Variants in PDE5A observed in about 807,000 individuals in gnomAD.
The protein encoded by PDE5A is phosphodiesterase 5A.
PDE5A carries 67 observed loss-of-function variants against 110.2 expected under a neutral mutation model. The observed-to-expected ratio is 0.61, with a 90% confidence interval of 0.50 to 0.75. The LOEUF (loss-of-function observed/expected upper bound fraction) is 0.75. Ranked by LOEUF, PDE5A falls within the 30% of genes least tolerant of loss-of-function variation. The probability of loss-of-function intolerance (pLI) is 0.00; values close to 1 mark genes in which losing one functional copy is unlikely to be tolerated. For synonymous variants in PDE5A, 328 were observed against 351.2 expected (o/e 0.93, Z 0.74); for missense variants, 862 against 1,045.1 (o/e 0.82, Z 2.42).
At chr4:119,580,025 C>T (rs1295036080) in intron 3 of PDE5A, among the ~76,000 whole-genome samples, 1 of 152,118 alleles carries the variant, frequency 6.6e-6, no homozygotes, top group Admixed American at 6.5e-5. Flanking sequence ...GGGAGGACGT[C>T]GCTCCCCAGA....
chr4:119,510,474 C>T (rs1026507181), intron 15 of PDE5A, among the ~76,000 whole-genome samples: 2 of 151,988 alleles, frequency 1.3e-5, no homozygotes, highest in Admixed American at 6.6e-5. Context: ...CCCCCCCAAA[C>T]AAAGATTAAC....
intron 1 of PDE5A, among the ~76,000 whole-genome samples, chr4:119,616,714 G>C (rs1242351710): frequency 6.9e-6 from 1 of 144,318 alleles, no homozygotes; most frequent in Non-Finnish European, 1.5e-5. Context: ...GTAATACAAA[G>C]GGATGAACAA....
intron 1 of PDE5A, among the ~76,000 whole-genome samples, chr4:119,607,525 C>T (rs1729583370): frequency 6.6e-6 from 1 of 152,072 alleles, no homozygotes; most frequent in African/African-American, 2.4e-5. Flanking sequence ...CTGCATGAGG[C>T]CAGGAGTTGG....
chr4:119,626,206 T>C (rs1253447044), intron 1 of PDE5A, among the ~76,000 whole-genome samples: 2 of 152,162 alleles, frequency 1.3e-5, no homozygotes, highest in Non-Finnish European at 1.5e-5. Context: ...ACAGTGAGCA[T>C]GGTAAATTTG....
chr4:119,553,695 AT>A lies in PDE5A; in HGVS notation c.1250del (p.Asn417IlefsTer27). ...INYMYAQYVK[N>X]TMEPLNIPDV... ...CTGGGATATTAAGTGGTTCCATAGT[AT>A]TTTTGACATACTGAGCATACATGTA... is the stretch of plus-strand genomic sequence containing the variant. On this transcript the variant is annotated frameshift_variant, in exon 8 of 21. Transcript: ENST00000354960. LOFTEE classifies it high-confidence loss of function. The A allele has an allele frequency of 6.2e-7, 1 of 1,601,926 alleles. No homozygotes were observed.
In PDE5A at chr4:119,496,588, A is replaced by G. The variant is rs1397596187; in HGVS notation, c.*2013T>C. The G allele has an allele frequency of 6.6e-6, 1 of 152,578 alleles. No individual in the cohort carries two copies. The highest frequency in any genetic ancestry group is 6.6e-5 in the Admixed American group (1 of 15,266). The allele number at this position is 152,578 out of a possible 1,614,324, so 9.5% of individuals were successfully genotyped here. On this transcript the variant is annotated 3_prime_UTR_variant, in exon 21 of 21. Transcript: ENST00000354960. ...CAGTGACACATACTAGAGGGGACCA[A>G]ACAAACTACTAAAGCATAAGTACAT... is the stretch of plus-strand genomic sequence containing the variant.
rs1725601632 is a variant in PDE5A at position 119,507,690 on chromosome 4, G to A, written c.2103C>T (p.Leu701=). 1.9e-6 allele frequency: 3 copies of A among 1,583,330 alleles called. No homozygotes were observed. The highest frequency in any genetic ancestry group is 2.6e-6 in the Non-Finnish European group (3 of 1,169,658). ...TATATTCTTCAATGGAGAGGCCACT[G>A]AGAATCTGATTGCCCTTTATAAAAA... ...MILNSPGNQI[L]SGLSIEEYKT... Residue 701 remains leucine (L), a synonymous_variant, in exon 16 of 21, where the codon CTC becomes CTT. Coordinates refer to ENST00000354960, the MANE Select transcript of PDE5A (RefSeq NM_001083.4).
Position 119,553,719 on chromosome 4 carries a change from G to T in PDE5A, c.1227C>A (p.Tyr409Ter). The T allele has an allele frequency of 6.3e-7, 1 of 1,586,016 alleles. No homozygotes were observed. Among genetic ancestry groups the T allele is most frequent in the Non-Finnish European group, 8.7e-7 (1 of 1,154,742 alleles). The change falls in exon 8 of 21, where the codon TAC becomes TAA. Residue 409 changes from tyrosine (Y) to a stop codon, truncating the protein, a stop_gained. Coordinates refer to ENST00000354960, the MANE Select transcript of PDE5A (RefSeq NM_001083.4). LOFTEE classifies it high-confidence loss of function. ...TATTTTTGACATACTGAGCATACAT[G>T]TAATTGATTTTGTTTGCATCATGTT... Reference protein sequence around the residue: ...TREHDANKINYMYAQYVKNTM... With the variant: ...TREHDANKIN
intron 2 of PDE5A, among the ~76,000 whole-genome samples, chr4:119,600,530 C>T (rs1006115003): frequency 2.0e-5 from 3 of 151,582 alleles, no homozygotes; most frequent in Middle Eastern, 3.2e-3. Flanking sequence ...GGCTAGGGCA[C>T]GGAAAGTGTA....
At chr4:119,506,706 C>T (rs936709769) in intron 16 of PDE5A, among the ~76,000 whole-genome samples, 2 of 151,808 alleles carry the variant, frequency 1.3e-5, no homozygotes, top group South Asian at 2.1e-4. Context: ...CCTTATTCTG[C>T]AATTATTTTT....
At chr4:119,585,707 C>G (rs1728736366) in intron 3 of PDE5A, among the ~76,000 whole-genome samples, 1 of 152,158 alleles carries the variant, frequency 6.6e-6, no homozygotes, top group Non-Finnish European at 1.5e-5. Context: ...AGAGCTGGAG[C>G]CTAATTCCCT....
In PDE5A at chr4:119,494,564, T is replaced by A. The variant is rs1724995136; in HGVS notation, c.*4037A>T. ...AAGTGATTTTGTCATGAAAGAGTCATCTGAAATGACTCTCGTGATGGAGGA... is the reference window on the plus strand; with the variant it reads ...AAGTGATTTTGTCATGAAAGAGTCAACTGAAATGACTCTCGTGATGGAGGA... On this transcript the variant is annotated 3_prime_UTR_variant, in exon 21 of 21. Transcript: ENST00000354960. 6.6e-6 allele frequency: 1 copy of A among 152,528 alleles called. No individual in the cohort carries two copies. Among genetic ancestry groups the A allele is most frequent in the Non-Finnish European group, 1.5e-5 (1 of 68,042 alleles). 9.4% of individuals were successfully genotyped at this position (152,528 alleles called of 1,614,324 possible).
rs750145083 is a variant in PDE5A at position 119,628,790 on chromosome 4, G to A, written c.-119C>T. The A allele has an allele frequency of 1.4e-6, 2 of 1,457,216 alleles. No individual in the cohort carries two copies. Among genetic ancestry groups the A allele is most frequent in the South Asian group, 1.2e-5 (1 of 82,990 alleles). The allele number at this position is 1,457,216 out of a possible 1,614,324, so 90.3% of individuals were successfully genotyped here. ...CCTCCCCCTTCGTCCTGCTCCAGTC[G>A]GGCCGGCTTTCGACAAAGCGGCCGG... On this transcript the variant is annotated 5_prime_UTR_variant, in exon 1 of 21. Coordinates refer to ENST00000354960, the MANE Select transcript of PDE5A (RefSeq NM_001083.4).
chr4:119,557,679 T>A (rs1411518117), intron 7 of PDE5A, among the ~76,000 whole-genome samples: 2 of 152,202 alleles, frequency 1.3e-5, no homozygotes, highest in East Asian at 3.9e-4. Flanking sequence ...TATTTGATTC[T>A]TAGTACAATC....
At chr4:119,556,343 C>A (rs534473558) in intron 7 of PDE5A, among the ~76,000 whole-genome samples, 39 of 152,206 alleles carry the variant, frequency 2.6e-4, no homozygotes, top group Middle Eastern at 6.8e-3. Flanking sequence ...CTTTCCCAGT[C>A]CCCCATCCTA....
chr4:119,579,855 T>A (rs1728523546), intron 3 of PDE5A, among the ~76,000 whole-genome samples: 1 of 151,526 alleles, frequency 6.6e-6, no homozygotes, highest in African/African-American at 2.4e-5. Flanking sequence ...AAAAAAAAGA[T>A]CTGTGAGTTT....
At chr4:119,554,360 T>A (rs2110497876) in intron 7 of PDE5A, among the ~76,000 whole-genome samples, 1 of 152,302 alleles carries the variant, frequency 6.6e-6, no homozygotes, top group East Asian at 1.9e-4. Context: ...TTTATCTTCC[T>A]CAAGAAATTT....
In PDE5A at chr4:119,567,081, C is replaced by T; in HGVS notation, c.895G>A (p.Asp299Asn). 1 of 1,612,204 alleles carries T rather than the reference C, an allele frequency of 6.2e-7. No homozygotes were observed. Among genetic ancestry groups the T allele is most frequent in the Non-Finnish European group, 8.5e-7 (1 of 1,178,480 alleles). The change falls in exon 4 of 21, where the codon GAT (aspartate) becomes AAT (asparagine). Residue 299 changes from aspartate to asparagine, a missense_variant. Coordinates refer to ENST00000354960, the MANE Select transcript of PDE5A (RefSeq NM_001083.4). ...SGNGGTFTEKDEKDFAAYLAF... is the reference protein window; with the variant it reads ...SGNGGTFTEKNEKDFAAYLAF... ...GACACAAGTTTTGGTACCTTTTCAT[C>T]TTTTTCAGTAAATGTCCCACCGTTT...
intron 1 of PDE5A, among the ~76,000 whole-genome samples, chr4:119,621,072 G>A (rs983253831): frequency 6.6e-6 from 1 of 152,176 alleles, no homozygotes; most frequent in African/African-American, 2.4e-5. Flanking sequence ...GTAATTAACT[G>A]AGAATGTATT....
Sources: allele counts gnomAD v4.1 joint callset (sites outside exome capture counted in the v4.1 genomes callset), GRCh38; gene constraint gnomAD v4.1.1; transcripts MANE v1.5; gene names NCBI Gene and HGNC (gene_info 2026-07-23, HGNC 2026-07-21).